The following OR1J2 variants were observed in gnomAD, a reference collection of about 807,000 sequenced individuals.
OR1J2 encodes olfactory receptor 1J2.
For synonymous variants in OR1J2, 142 were observed against 99.7 expected (o/e 1.42, Z -2.52); for missense variants, 304 against 246.1 (o/e 1.24, Z -1.57).
chr9:122,495,675 T>G, the OR1J2 span, among the ~76,000 whole-genome samples: 1 of 152,164 alleles, frequency 6.6e-6, no homozygotes, highest in Non-Finnish European at 1.5e-5. Flanking sequence ...ACTCCTGAAT[T>G]CTTTTTCTGG....
At chr9:122,490,127 A>G in the OR1J2 span, among the ~76,000 whole-genome samples, 3 of 152,246 alleles carry the variant, frequency 2.0e-5, no homozygotes, top group Admixed American at 2.0e-4. Context: ...TTAATATTTT[A>G]ATTTGTTGCT....
chr9:122,545,228 A>T, the OR1J2 span, among the ~76,000 whole-genome samples: 6 of 126,206 alleles, frequency 4.8e-5, no homozygotes, highest in Admixed American at 1.6e-4. Flanking sequence ...ATTAACATTT[A>T]TTTTATGGCC....
chr9:122,553,712 C>T, the OR1J2 span: 76 of 1,614,020 alleles, frequency 4.7e-5, no homozygotes, highest in African/African-American at 8.5e-4. Flanking sequence ...TGTTGCTGAC[C>T]CGCGTGGCTT....
chr9:122,562,167 C>G, the OR1J2 span, among the ~76,000 whole-genome samples: 1 of 152,220 alleles, frequency 6.6e-6, no homozygotes, highest in African/African-American at 2.4e-5. Flanking sequence ...TTCTTGCCAC[C>G]AAGTCTCCCT....
chr9:122,526,678 T>C, the OR1J2 span: 1 of 1,614,112 alleles, frequency 6.2e-7, no homozygotes, highest in Non-Finnish European at 8.5e-7. Context: ...AAGGGGACGA[T>C]GAGTACGGTG....
At chr9:122,490,377 G>A in the OR1J2 span, among the ~76,000 whole-genome samples, 1,503 of 152,174 alleles carry the variant, frequency 9.9e-3, 10 homozygotes, top group South Asian at 0.033. Flanking sequence ...ATTGCAACTT[G>A]CTTATTATAT....
At chr9:122,570,628 T>A in the OR1J2 span, among the ~76,000 whole-genome samples, 1 of 152,168 alleles carries the variant, frequency 6.6e-6, no homozygotes, top group Non-Finnish European at 1.5e-5. Flanking sequence ...GGACAAGCTG[T>A]TCCCCAGCCA....
chr9:122,468,431 C>T, the OR1J2 span, among the ~76,000 whole-genome samples: 1 of 152,130 alleles, frequency 6.6e-6, no homozygotes, highest in Non-Finnish European at 1.5e-5. Context: ...ATTTACCAAA[C>T]CTGACCCCAT....
the OR1J2 span, among the ~76,000 whole-genome samples, chr9:122,522,013 A>ACAG: frequency 6.6e-6 from 1 of 152,292 alleles, no homozygotes; most frequent in East Asian, 1.9e-4. Flanking sequence ...TTGGTTTTGG[A>ACAG]CAGCCCAAAG....
the OR1J2 span, among the ~76,000 whole-genome samples, chr9:122,468,913 A>G: frequency 1.3e-5 from 2 of 152,178 alleles, no homozygotes; most frequent in Non-Finnish European, 1.5e-5. Flanking sequence ...ATCAGATGAA[A>G]CACCACATGG....
chr9:122,464,791 G>A, the OR1J2 span, among the ~76,000 whole-genome samples: 3 of 152,156 alleles, frequency 2.0e-5, no homozygotes, highest in African/African-American at 7.2e-5. Context: ...TTTGGTAGCA[G>A]CTCCCTATTG....
the OR1J2 span, among the ~76,000 whole-genome samples, chr9:122,487,019 C>G: frequency 3.3e-4 from 50 of 152,004 alleles, 1 homozygote; most frequent in South Asian, 0.01. Flanking sequence ...AAGTAAATTT[C>G]TCGGGGTCCC....
chr9:122,453,240 C>T, the OR1J2 span, among the ~76,000 whole-genome samples: 1 of 152,114 alleles, frequency 6.6e-6, no homozygotes, highest in Non-Finnish European at 1.5e-5. Context: ...TTATAAATTA[C>T]CCAGTCTCAG....
At chr9:122,560,155 CT>C in the OR1J2 span, among the ~76,000 whole-genome samples, 4 of 150,902 alleles carry the variant, frequency 2.7e-5, no homozygotes, top group Non-Finnish European at 4.4e-5. Context: ...CACAACCCCT[CT>C]TTTTTTTTGC....
chr9:122,553,271 C>T, the OR1J2 span: 3 of 1,613,974 alleles, frequency 1.9e-6, no homozygotes, highest in African/African-American at 1.3e-5. Context: ...TTCTAGGACT[C>T]TCTGAGTGGC....
the OR1J2 span, among the ~76,000 whole-genome samples, chr9:122,469,629 G>C: frequency 6.6e-6 from 1 of 152,202 alleles, no homozygotes; most frequent in East Asian, 1.9e-4. Flanking sequence ...ACAGGCAGAA[G>C]TTAGAACAGT....
chr9:122,491,999 T>C, the OR1J2 span, among the ~76,000 whole-genome samples: 21 of 152,136 alleles, frequency 1.4e-4, no homozygotes. Flanking sequence ...ATTTAACATT[T>C]TTTCTTTTTT....
chr9:122,491,514 A>G, the OR1J2 span, among the ~76,000 whole-genome samples: 1 of 152,132 alleles, frequency 6.6e-6, no homozygotes, highest in Non-Finnish European at 1.5e-5. Context: ...GGGAACATTG[A>G]CAATTAAGAT....
upstream of OR1J2, among the ~76,000 whole-genome samples, chr9:122,507,520 A>ACG (rs1311097648): frequency 6.6e-6 from 1 of 152,134 alleles, no homozygotes; most frequent in African/African-American, 2.4e-5. Context: ...TTATGTGAGA[A>ACG]CGAGCCTCTC....
Sources: allele counts gnomAD v4.1 joint callset (sites outside exome capture counted in the v4.1 genomes callset), GRCh38; gene constraint gnomAD v4.1.1; transcripts MANE v1.5; gene names NCBI Gene and HGNC (gene_info 2026-07-23, HGNC 2026-07-21).